Variants in CNTN5 observed in about 807,000 individuals in gnomAD.
CNTN5 encodes the protein contactin 5.
Under a neutral mutation model 129.1 loss-of-function variants are expected in CNTN5, and 77 were observed. The ratio of observed to expected loss-of-function variants is 0.60; its 90% CI spans 0.50 to 0.72. The LOEUF (loss-of-function observed/expected upper bound fraction) is 0.72. Among genes scored for constraint, CNTN5 ranks in the 30% least tolerant of loss-of-function variants. The probability of loss-of-function intolerance (pLI) is 0.00; values close to 1 mark genes in which losing one functional copy is unlikely to be tolerated. For missense variants in CNTN5, 1,478 were observed against 1,328.8 expected (o/e 1.11, Z -1.75); for synonymous variants, 509 against 465.6 (o/e 1.09, Z -1.20).
At chr11:99,961,995 CAT>C (rs1481817258) in intron 8 of CNTN5, among the ~76,000 whole-genome samples, 1 of 152,040 alleles carries the variant, frequency 6.6e-6, no homozygotes, top group Non-Finnish European at 1.5e-5. Context: ...GTTATATATA[CAT>C]ATACACACAC....
intron 6 of CNTN5, among the ~76,000 whole-genome samples, chr11:99,888,123 A>AAC (rs1176857677): frequency 2.7e-4 from 41 of 152,174 alleles, no homozygotes; most frequent in Non-Finnish European, 1.5e-5. Context: ...TATAGCACTG[A>AAC]ACACAGTCCC....
chr11:99,953,654 AG>A (rs1950728507), intron 7 of CNTN5, among the ~76,000 whole-genome samples: 1 of 152,098 alleles, frequency 6.6e-6, no homozygotes, highest in African/African-American at 2.4e-5. Flanking sequence ...CCAAGGGCAA[AG>A]GACAAGTCCT....
chr11:100,156,430 C>G (rs749038382), intron 13 of CNTN5, among the ~76,000 whole-genome samples: 1 of 152,056 alleles, frequency 6.6e-6, no homozygotes, highest in Non-Finnish European at 1.5e-5. Context: ...CTTTTCACAT[C>G]GACGTTCATC....
At position 99,248,947 on chromosome 11, in the gene CNTN5, G is replaced by A. The variant is rs531220318; in HGVS notation, c.-209-76399G>A. The stretch of plus-strand genomic sequence containing the variant: ...GACTTAGGATTGACTTGGCAATGTC[G>A]GCTCTTTTTTGGTTCCATATGAACT... On this transcript the variant is annotated intron_variant, in intron 1 of 24. Coordinates refer to ENST00000524871, the MANE Select transcript of CNTN5 (RefSeq NM_014361.4). 9.2e-5 allele frequency among the ~76,000 whole-genome samples: 14 copies of A among 152,180 alleles called. No homozygotes were observed. The East Asian group carries it at 1.2e-3, about 13-fold the overall frequency.
intron 1 of CNTN5, among the ~76,000 whole-genome samples, chr11:99,067,222 T>G (rs769017893): frequency 6.6e-6 from 1 of 152,164 alleles, no homozygotes; most frequent in Non-Finnish European, 1.5e-5. Flanking sequence ...CAAAAAGCAT[T>G]CTTTTAGTTT....
intron 1 of CNTN5, among the ~76,000 whole-genome samples, chr11:99,143,298 CATGTAAAATATATATATTTTAAAAT>C (rs1281365312): frequency 7.2e-6 from 1 of 137,950 alleles, no homozygotes; most frequent in African/African-American, 2.7e-5. Context: ...TTAAAATATA[CATGTAAAATATATATATTTTAAAAT>C]ATGTAATATA....
chr11:99,054,025 T>C (rs1457922436), intron 1 of CNTN5, among the ~76,000 whole-genome samples: 1 of 152,016 alleles, frequency 6.6e-6, no homozygotes, highest in African/African-American at 2.4e-5. Flanking sequence ...GCTGTAATTC[T>C]GTTATCCTTG....
At chr11:100,198,071 A>G (rs1284051382) in intron 15 of CNTN5, among the ~76,000 whole-genome samples, 2 of 151,930 alleles carry the variant, frequency 1.3e-5, no homozygotes, top group African/African-American at 4.8e-5. Context: ...TTTTTAAACT[A>G]CACATTTGTT....
intron 16 of CNTN5, among the ~76,000 whole-genome samples, chr11:100,251,932 TAATAGTGG>T (rs1277424762): frequency 6.6e-6 from 1 of 152,138 alleles, no homozygotes; most frequent in African/African-American, 2.4e-5. Context: ...GATACATGCA[TAATAGTGG>T]AATTGCGGGA....
chr11:99,114,023 A>T (rs952992260), intron 1 of CNTN5, among the ~76,000 whole-genome samples: 2 of 152,074 alleles, frequency 1.3e-5, no homozygotes, highest in Non-Finnish European at 2.9e-5. Flanking sequence ...ATGTATTTTT[A>T]ATGTTTATGT....
At position 99,445,641 on chromosome 11, in the gene CNTN5, A is replaced by T. The variant is rs78145111; in HGVS notation, c.-70-110504A>T. ...TTTATTCTATCCTCAAAGAGTCAGGATGTTGCTGGATGGAAGAATAAGAGA... is the reference window on the plus strand; with the variant it reads ...TTTATTCTATCCTCAAAGAGTCAGGTTGTTGCTGGATGGAAGAATAAGAGA... On this transcript the variant is annotated intron_variant, in intron 2 of 24. Coordinates refer to ENST00000524871, the MANE Select transcript of CNTN5 (RefSeq NM_014361.4). 3.7e-3 allele frequency among the ~76,000 whole-genome samples: 559 copies of T among 152,292 alleles called. 13 individuals are homozygous for T. In the East Asian group the frequency reaches 0.045, roughly 12 times the overall value.
chr11:100,180,098 A>G (rs984196164), intron 13 of CNTN5, among the ~76,000 whole-genome samples: 1 of 152,082 alleles, frequency 6.6e-6, no homozygotes, highest in Non-Finnish European at 1.5e-5. Flanking sequence ...AGACAAAAAC[A>G]TTAACAGAAA....
chr11:100,209,426 G>A (rs1948979338), intron 15 of CNTN5, among the ~76,000 whole-genome samples: 1 of 152,148 alleles, frequency 6.6e-6, no homozygotes, highest in Non-Finnish European at 1.5e-5. Flanking sequence ...GCCAGACAAA[G>A]CACTTAATCT....
intron 1 of CNTN5, among the ~76,000 whole-genome samples, chr11:99,098,705 T>C (rs1399792755): frequency 2.0e-5 from 3 of 152,176 alleles, no homozygotes; most frequent in East Asian, 1.9e-4. Flanking sequence ...TAATCTCTTA[T>C]GTACATTTTT....
intron 8 of CNTN5, among the ~76,000 whole-genome samples, chr11:99,987,682 G>T (rs145152194): frequency 6.6e-6 from 1 of 151,900 alleles, no homozygotes; most frequent in African/African-American, 2.4e-5. Context: ...CTACAAAATT[G>T]GGAATGGGTA....
chr11:99,931,990 C>G (rs994400068), intron 7 of CNTN5, among the ~76,000 whole-genome samples: 2 of 152,176 alleles, frequency 1.3e-5, no homozygotes, highest in African/African-American at 2.4e-5. Context: ...TGTAAATTAA[C>G]TTTAAGTTCC....
intron 13 of CNTN5, among the ~76,000 whole-genome samples, chr11:100,102,945 C>G (rs1447044326): frequency 6.6e-6 from 1 of 152,082 alleles, no homozygotes; most frequent in East Asian, 1.9e-4. Flanking sequence ...TTACTCTCAC[C>G]CAATATGAGA....
chr11:100,078,492 C>T (rs1277262737), intron 13 of CNTN5, among the ~76,000 whole-genome samples: 1 of 152,022 alleles, frequency 6.6e-6, no homozygotes, highest in Non-Finnish European at 1.5e-5. Context: ...GATAGTAAAT[C>T]ACATTATTAC....
chr11:99,509,037 A>G (rs1946735885), intron 2 of CNTN5, among the ~76,000 whole-genome samples: 2 of 152,198 alleles, frequency 1.3e-5, no homozygotes, highest in Non-Finnish European at 2.9e-5. Flanking sequence ...TGGGAAAAAA[A>G]TACCATCTAA....
Sources: allele counts gnomAD v4.1 joint callset (sites outside exome capture counted in the v4.1 genomes callset), GRCh38; gene constraint gnomAD v4.1.1; transcripts MANE v1.5; gene names NCBI Gene and HGNC (gene_info 2026-07-23, HGNC 2026-07-21).